SERPINI1: variants seen among roughly 807,000 people sequenced by gnomAD.
SERPINI1 encodes neuroserpin.
A neutral mutation model predicts 41.1 loss-of-function variants in SERPINI1; 19 were observed. The ratio of observed to expected loss-of-function variants is 0.46; its 90% CI spans 0.32 to 0.68. The LOEUF is 0.68. SERPINI1 is among the 30% of genes least tolerant of loss of function. The pLI is 0.03. For synonymous variants in SERPINI1, 138 were observed against 156.6 expected, an observed-to-expected ratio of 0.88 and a Z score of 0.89; for missense variants, 460 against 479.2, an observed-to-expected ratio of 0.96 and a Z score of 0.37.
At chr3:167,799,959 C>A (rs1292245187) in intron 5 of SERPINI1, 1 of 151,976 alleles carries the variant, frequency 6.6e-6, no homozygotes, top group Non-Finnish European at 1.5e-5. Context: ...AAAATGCTGT[C>A]TTTAAGAGGT....
intron 5 of SERPINI1, 132 bp from the exon 6 acceptor site, chr3:167,807,112 G>A (rs909075706): frequency 4.4e-6 from 3 of 682,160 alleles, no homozygotes; most frequent in Admixed American, 5.0e-5. Flanking sequence ...GCTAATTGCA[G>A]TCAAAAGCCA....
intron 1 of SERPINI1, among the ~76,000 whole-genome samples, chr3:167,748,273 TTAAAG>T (rs753070373): frequency 3.3e-5 from 5 of 152,186 alleles, no homozygotes; most frequent in South Asian, 2.1e-4. Flanking sequence ...GAATACTAGT[TTAAAG>T]TAAAAGGATG....
rs118093888 is a variant in SERPINI1, at chr3:167,782,838, G to A, written c.-18-6273G>A. On this transcript the variant is annotated intron_variant, in intron 1 of 8. Transcript: ENST00000446050. ...AACATATGGAACTTGGGCTAGGTTCGTTTCAGAAAGAGAACTACACAAGCC... is the reference window on the plus strand; with the variant it reads ...AACATATGGAACTTGGGCTAGGTTCATTTCAGAAAGAGAACTACACAAGCC... Among the ~76,000 whole-genome samples the A allele has an allele frequency of 3.9e-4, 59 of 152,192 alleles. No individual in the cohort carries two copies. In the East Asian group the frequency reaches 8.1e-3, roughly 21 times the overall value.
At position 167,747,633 on chromosome 3, in the gene SERPINI1, G is replaced by C. The variant is rs530903384; in HGVS notation, c.-19+11810G>C. ...CACTCCAGCCTGGGCGACAGAGCGA[G>C]ACTACGTCTCAAAACAACAACAACA... On this transcript the variant is annotated intron_variant, in intron 1 of 8. Transcript: ENST00000446050. Among the ~76,000 whole-genome samples the C allele has an allele frequency of 6.0e-5, 9 of 149,594 alleles. No individual in the cohort carries two copies. In the East Asian group the frequency reaches 1.7e-3, roughly 29 times the overall value.
chr3:167,765,757 A>G (rs1017421459), intron 1 of SERPINI1, among the ~76,000 whole-genome samples: 1 of 152,208 alleles, frequency 6.6e-6, no homozygotes, highest in African/African-American at 2.4e-5. Context: ...AATGCCTTTA[A>G]CAGCACCCAA....
rs748055404 is a variant in SERPINI1, at chr3:167,824,459, T to G, written c.1067-14T>G. The G allele has an allele frequency of 1.2e-6, 2 of 1,602,200 alleles. No individual in the cohort carries two copies. The highest frequency in any genetic ancestry group is 2.2e-5 in the South Asian group (2 of 90,804). On this transcript the variant is annotated splice_polypyrimidine_tract_variant and intron_variant, in intron 7 of 8. Transcript: ENST00000446050. ...CATCCACAGACATATAATTACTTTT[T>G]ATCTGCACTGTAGGAATGATTGCAA... is the stretch of plus-strand genomic sequence containing the variant.
chr3:167,747,086 G>T (rs958945740), intron 1 of SERPINI1, among the ~76,000 whole-genome samples: 1 of 152,204 alleles, frequency 6.6e-6, no homozygotes, highest in East Asian at 1.9e-4. Flanking sequence ...AATATTATTT[G>T]ACGATTAAAA....
At chr3:167,802,821 T>C (rs1235475075) in intron 5 of SERPINI1, among the ~76,000 whole-genome samples, 1 of 150,748 alleles carries the variant, frequency 6.6e-6, no homozygotes, top group Non-Finnish European at 1.5e-5. Flanking sequence ...TAAAGACACA[T>C]GCACACGTAT....
intron 6 of SERPINI1, among the ~76,000 whole-genome samples, chr3:167,813,540 A>T (rs1711964723): frequency 6.6e-6 from 1 of 151,892 alleles, no homozygotes; most frequent in African/African-American, 2.4e-5. Flanking sequence ...CTGACTTTTC[A>T]CTCTTACTAA....
chr3:167,739,320 C>T (rs1725590460), intron 1 of SERPINI1, among the ~76,000 whole-genome samples: 1 of 152,126 alleles, frequency 6.6e-6, no homozygotes, highest in Non-Finnish European at 1.5e-5. Flanking sequence ...TTGGACAATA[C>T]TTCTGTAATG....
Position 167,735,736 on chromosome 3 carries a change from A to T in SERPINI1, c.-106A>T, listed in dbSNP as rs531984030. The T allele has an allele frequency of 6.6e-6, 1 of 152,408 alleles. No homozygotes were observed. Among genetic ancestry groups the T allele is most frequent in the South Asian group, 2.1e-4 (1 of 4,816 alleles). The allele number at this position is 152,408 out of a possible 1,614,324, so 9.4% of individuals were successfully genotyped here. On this transcript the variant is annotated 5_prime_UTR_variant, in exon 1 of 9. Coordinates refer to ENST00000446050, the MANE Select transcript of SERPINI1 (RefSeq NM_001122752.2). ...AGTCTGGACTGTAGTTTCCCGGGAG[A>T]GACGAAAGCAGGAACGAGAGCGGAG...
intron 1 of SERPINI1, among the ~76,000 whole-genome samples, chr3:167,781,916 C>T (rs1387279085): frequency 3.3e-5 from 5 of 151,844 alleles, no homozygotes; most frequent in African/African-American, 1.2e-4. Flanking sequence ...ATTTAGTTCC[C>T]TTACTTGTTT....
chr3:167,785,220 G>A lies in SERPINI1; in HGVS notation c.-18-3891G>A, dbSNP rs941603057. 5.3e-5 allele frequency among the ~76,000 whole-genome samples: 8 copies of A among 152,250 alleles called. No individual in the cohort carries two copies. In the East Asian group the frequency reaches 1.5e-3, roughly 29 times the overall value. ...GATCTCACCACTGCACTCCAGCCTA[G>A]CAACAGAGCGAGACTGTGTCTCAAA... On this transcript the variant is annotated intron_variant, in intron 1 of 8. Coordinates refer to ENST00000446050, the MANE Select transcript of SERPINI1 (RefSeq NM_001122752.2).
chr3:167,743,412 T>C (rs2108529867), intron 1 of SERPINI1, among the ~76,000 whole-genome samples: 1 of 152,272 alleles, frequency 6.6e-6, no homozygotes, highest in Admixed American at 6.5e-5. Flanking sequence ...AAATTGAAAT[T>C]GAGAAAATGT....
chr3:167,810,125 T>C (rs1711818869), intron 6 of SERPINI1, among the ~76,000 whole-genome samples: 1 of 152,176 alleles, frequency 6.6e-6, no homozygotes, highest in Non-Finnish European at 1.5e-5. Context: ...AACTTGCCCC[T>C]TTTTTTCCTC....
chr3:167,741,888 A>G (rs553559642), intron 1 of SERPINI1, among the ~76,000 whole-genome samples: 58 of 152,172 alleles, frequency 3.8e-4, no homozygotes, highest in Non-Finnish European at 7.9e-4. Context: ...ATGTCATAGA[A>G]TAATTTTTGG....
chr3:167,817,578 T>G (rs1200300977), intron 6 of SERPINI1, among the ~76,000 whole-genome samples: 1 of 151,780 alleles, frequency 6.6e-6, no homozygotes, highest in African/African-American at 2.4e-5. Context: ...TGACTCAATT[T>G]TATTTTTATT....
intron 1 of SERPINI1, among the ~76,000 whole-genome samples, chr3:167,755,794 ATTTT>A (rs34182780): frequency 8.4e-6 from 1 of 119,218 alleles, no homozygotes; most frequent in African/African-American, 3.3e-5. Flanking sequence ...GGTGTTGCTG[ATTTT>A]TTTTTTTTTT....
At chr3:167,753,373 A>G (rs551609289) in intron 1 of SERPINI1, among the ~76,000 whole-genome samples, 3 of 152,298 alleles carry the variant, frequency 2.0e-5, no homozygotes, top group Middle Eastern at 3.4e-3. Context: ...TTTGTTGAGT[A>G]AATGAACTGT....
Sources: allele counts gnomAD v4.1 joint callset (sites outside exome capture counted in the v4.1 genomes callset), GRCh38; gene constraint gnomAD v4.1.1; transcripts MANE v1.5; gene names NCBI Gene and HGNC (gene_info 2026-07-23, HGNC 2026-07-21).